Variants in COA1 observed in about 807,000 individuals in gnomAD.
COA1 encodes the protein cytochrome c oxidase assembly factor 1.
A neutral mutation model predicts 16.0 loss-of-function variants in COA1; 13 were observed. That is an observed-to-expected ratio of 0.81 (90% CI 0.53 to 1.29). The LOEUF is 1.29. COA1 is among the 50% of genes most tolerant of loss of function. The probability of loss-of-function intolerance (pLI) is 0.00; values close to 1 mark genes in which losing one functional copy is unlikely to be tolerated. For synonymous variants in COA1, 65 were observed against 65.7 expected (o/e 0.99, Z 0.05); for missense variants, 179 against 177.0 (o/e 1.01, Z -0.06).
intron 1 of COA1, among the ~76,000 whole-genome samples, chr7:43,691,072 A>AAAC (rs1554541691): frequency 1.3e-3 from 134 of 105,396 alleles, no homozygotes; most frequent in Middle Eastern, 5.5e-3. Flanking sequence ...AAAAAAAAAA[A>AAAC]AAAAACAAAA....
At chr7:43,630,351 A>G (rs2085050990) in intron 6 of COA1, among the ~76,000 whole-genome samples, 1 of 152,104 alleles carries the variant, frequency 6.6e-6, no homozygotes, top group South Asian at 2.1e-4. Flanking sequence ...TAAAAATAAA[A>G]CTATTTTTCC....
intron 1 of COA1, 129 bp from the exon 2 acceptor site, chr7:43,648,781 A>C (rs994683659): frequency 7.4e-6 from 5 of 675,928 alleles, no homozygotes; most frequent in South Asian, 4.3e-5. Context: ...TTAAACTCTA[A>C]AACAAGCCTT....
At chr7:43,712,511 G>A (rs28615427) in intron 1 of COA1, among the ~76,000 whole-genome samples, 22,381 of 152,172 alleles carry the variant, frequency 0.15, 2,198 homozygotes, top group Non-Finnish European at 0.21. Context: ...TCCTGTATAT[G>A]TGATCTGGGT....
intron 1 of COA1, among the ~76,000 whole-genome samples, chr7:43,655,263 A>AC (rs1173511707): frequency 6.6e-6 from 1 of 152,142 alleles, no homozygotes; most frequent in Non-Finnish European, 1.5e-5. Flanking sequence ...AAGTACTAGT[A>AC]CCCCATCTCT....
chr7:43,678,899 A>C (rs774329167), intron 1 of COA1, among the ~76,000 whole-genome samples: 13 of 152,246 alleles, frequency 8.5e-5, no homozygotes, highest in Non-Finnish European at 1.9e-4. Flanking sequence ...AAAATATGGC[A>C]GTTCCTCAAA....
At chr7:43,702,911 T>C (rs746979041) in intron 1 of COA1, among the ~76,000 whole-genome samples, 1 of 152,160 alleles carries the variant, frequency 6.6e-6, no homozygotes, top group East Asian at 1.9e-4. Context: ...TTTGCTCTTG[T>C]TTTTCTAGAG....
intron 1 of COA1, among the ~76,000 whole-genome samples, chr7:43,686,725 T>A (rs1020817768): frequency 3.3e-5 from 5 of 151,666 alleles, no homozygotes. Context: ...ATTCATGAAT[T>A]AATACCTGAA....
At chr7:43,622,392 CAT>C (rs2083992239) in intron 6 of COA1, 1 of 152,182 alleles carries the variant, frequency 6.6e-6, no homozygotes, top group African/African-American at 2.4e-5. Flanking sequence ...GTAGTAGATA[CAT>C]GACCTTGAGT....
intron 1 of COA1, among the ~76,000 whole-genome samples, chr7:43,693,887 G>A (rs2094449489): frequency 6.6e-6 from 1 of 151,852 alleles, no homozygotes; most frequent in African/African-American, 2.4e-5. Context: ...GACTCCAAGT[G>A]GACCTTGGTA....
intron 6 of COA1, chr7:43,619,836 T>A: frequency 7.5e-7 from 1 of 1,340,160 alleles, no homozygotes; most frequent in Non-Finnish European, 1.0e-6. Context: ...GTTGAAATTC[T>A]ACCATCAGAG....
downstream of COA1, among the ~76,000 whole-genome samples, chr7:43,637,940 C>G (rs75159123): frequency 0.04 from 6,023 of 152,212 alleles, 397 homozygotes; most frequent in African/African-American, 0.14. Context: ...AGAGAACAGA[C>G]AGATAGGAAG....
intron 1 of COA1, among the ~76,000 whole-genome samples, chr7:43,661,600 G>A (rs1035689339): frequency 3.4e-5 from 5 of 148,660 alleles, no homozygotes; most frequent in African/African-American, 1.0e-4. Context: ...TCGCGCCACC[G>A]CACTCCAGCC....
chr7:43,667,344 C>T (rs1040997023), intron 1 of COA1, among the ~76,000 whole-genome samples: 1 of 152,144 alleles, frequency 6.6e-6, no homozygotes, highest in African/African-American at 2.4e-5. Flanking sequence ...GATTATTTGA[C>T]ATGTTTAGTC....
intron 1 of COA1, among the ~76,000 whole-genome samples, chr7:43,717,885 A>G (rs116578072): frequency 0.036 from 5,503 of 152,226 alleles, 303 homozygotes; most frequent in African/African-American, 0.12. Context: ...AAGGGTTTCC[A>G]CTTTGCATCT....
intron 1 of COA1, among the ~76,000 whole-genome samples, chr7:43,658,259 G>GGAGGCA (rs946800399): frequency 1.7e-4 from 25 of 151,378 alleles, no homozygotes; most frequent in Admixed American, 6.6e-5. Flanking sequence ...ACCGGGAGGC[G>GGAGGCA]GAGGCAGGAG....
At chr7:43,613,646 C>A (rs1563155676) in intron 6 of COA1, among the ~76,000 whole-genome samples, 2 of 151,946 alleles carry the variant, frequency 1.3e-5, no homozygotes, top group Non-Finnish European at 2.9e-5. Flanking sequence ...AGTTTGAGAC[C>A]AGCCCAGGCA....
intron 2 of COA1, chr7:43,648,109 A>G (rs2089943744): frequency 5.0e-6 from 1 of 198,088 alleles, no homozygotes; most frequent in African/African-American, 2.3e-5. Context: ...CCTTGGGATG[A>G]GGAAACTCTG....
At chr7:43,670,116 G>T (rs545954776) in intron 1 of COA1, among the ~76,000 whole-genome samples, 1 of 152,238 alleles carries the variant, frequency 6.6e-6, no homozygotes, top group African/African-American at 2.4e-5. Context: ...TGAATAACAT[G>T]GATATTTTAA....
rs1305686113 is a variant in COA1 at position 43,632,793 on chromosome 7, C to A, written c.*133+6656G>T. ...TGAACTCCTGGCATCAAGCAATCCA[C>A]CCGCCCCAGCCTCCCAAAGTGCTGG... is the stretch of plus-strand genomic sequence containing the variant. On this transcript the variant is annotated intron_variant and NMD_transcript_variant, in intron 6 of 6. Transcript: ENST00000415076. 3 of 152,180 alleles carry A rather than the reference C, an allele frequency of 2.0e-5. No individual in the cohort carries two copies. The South Asian group carries it at 6.2e-4, about 32-fold the overall frequency. The allele number at this position is 152,180 out of a possible 1,614,324, so 9.4% of individuals were successfully genotyped here.
Sources: gnomAD v4.1 joint callset for allele counts (sites outside exome capture counted in the v4.1 genomes callset) on GRCh38, gnomAD v4.1.1 for gene constraint, MANE v1.5 for transcripts, NCBI Gene and HGNC (gene_info 2026-07-23, HGNC 2026-07-21) for gene names.